SMG6: variants seen among roughly 807,000 people sequenced by gnomAD.
The protein encoded by SMG6 is telomerase-binding protein EST1A.
In SMG6, 66 loss-of-function variants were observed where a neutral mutation model predicts 142.2. That is an observed-to-expected ratio of 0.46 (90% CI 0.38 to 0.57). The LOEUF (loss-of-function observed/expected upper bound fraction) is 0.57. SMG6 is among the 20% of genes least tolerant of loss of function. SMG6 has a pLI of 0.00. For missense variants in SMG6, 1,793 were observed against 1,832.0 expected (o/e 0.98, Z 0.39); for synonymous variants, 779 against 702.4 (o/e 1.11, Z -1.72).
At chr17:2,227,774 CAT>C (rs1006050456) in intron 10 of SMG6, among the ~76,000 whole-genome samples, 3 of 152,110 alleles carry the variant, frequency 2.0e-5, no homozygotes, top group African/African-American at 7.2e-5. Context: ...TAGGATGATG[CAT>C]ATAACTCTCA....
chr17:2,283,559 G>T, intron 7 of SMG6, 66 bp downstream of exon 7: 1 of 1,288,074 alleles, frequency 7.8e-7, no homozygotes, highest in Non-Finnish European at 1.1e-6. Context: ...GCAGAGCTAG[G>T]GCACACCAAC....
At chr17:2,216,625 C>T (rs779809275) in intron 10 of SMG6, among the ~76,000 whole-genome samples, 15 of 152,204 alleles carry the variant, frequency 9.9e-5, no homozygotes, top group Non-Finnish European at 1.5e-5. Context: ...ATCAATCAAT[C>T]AATCACTGAT....
At chr17:2,302,489 A>C (rs1021699417) in intron 1 of SMG6, among the ~76,000 whole-genome samples, 9 of 150,890 alleles carry the variant, frequency 6.0e-5, no homozygotes, top group Non-Finnish European at 1.2e-4. Context: ...TGCAGTGAGC[A>C]GAGATCGCGC....
chr17:2,244,880 ACAT>A (rs1252357709), intron 8 of SMG6, 161 bp from the exon 9 acceptor site: 3 of 615,832 alleles, frequency 4.9e-6, no homozygotes, highest in Non-Finnish European at 8.7e-6. Flanking sequence ...GACCCAGGGC[ACAT>A]GCCCAACAGC....
Position 2,098,756 on chromosome 17 carries a change from G to A in SMG6, c.3358-12855C>T, listed in dbSNP as rs375937911. Among the ~76,000 whole-genome samples, 230 of 151,838 alleles carry A rather than the reference G, an allele frequency of 1.5e-3. 5 individuals are homozygous for A. In the South Asian group the frequency reaches 0.044, roughly 29 times the overall value. ...AGTGATTCTCCTGCCTCAGCCTCCC[G>A]AGTAGCTGGGATTACAGGCACCCGC... On this transcript the variant is annotated intron_variant, in intron 13 of 18. Transcript: ENST00000263073.
intron 15 of SMG6, among the ~76,000 whole-genome samples, chr17:2,080,878 G>A (rs1204405378): frequency 2.6e-5 from 4 of 151,970 alleles, no homozygotes; most frequent in East Asian, 1.9e-4. Flanking sequence ...CTCATGATCC[G>A]CCCGCCTCAG....
At chr17:2,122,137 G>GA (rs2069721310) in intron 13 of SMG6, among the ~76,000 whole-genome samples, 2 of 152,132 alleles carry the variant, frequency 1.3e-5, no homozygotes, top group South Asian at 4.1e-4. Context: ...TTTAAAAGAA[G>GA]AAAAAATGGA....
Position 2,297,949 on chromosome 17 carries a change from T to C in SMG6, c.1954A>G (p.Ile652Val), listed in dbSNP as rs2075180309. The change falls in exon 3 of 19, where the codon ATT (isoleucine) becomes GTT (valine). Residue 652 changes from isoleucine (I) to valine (V), a missense_variant. By Grantham distance (29) the Ile-to-Val change is conservative. Transcript: ENST00000263073. ...ILWKNAFYQV[I>V]EKFRQLVKDP... ...TTGACAAGTTGCCTGAACTTCTCAA[T>C]CACCTGATAGAAAGCATTCTTCCAC... 4 of 1,613,382 alleles carry C rather than the reference T, an allele frequency of 2.5e-6. No individual in the cohort carries two copies. The highest frequency in any genetic ancestry group is 3.4e-6 in the Non-Finnish European group (4 of 1,180,030).
At chr17:2,261,644 C>T (rs1026177771) in intron 8 of SMG6, among the ~76,000 whole-genome samples, 3 of 152,148 alleles carry the variant, frequency 2.0e-5, no homozygotes, top group East Asian at 1.9e-4. Context: ...TGCTACCCCT[C>T]GGTGGACAAA....
chr17:2,075,521 G>C (rs1196009697), intron 15 of SMG6, among the ~76,000 whole-genome samples: 2 of 152,222 alleles, frequency 1.3e-5, no homozygotes, highest in African/African-American at 4.8e-5. Context: ...CCTCAGAGAG[G>C]CAGTGAGGAA....
At chr17:2,186,026 G>A (rs1435885325) in intron 12 of SMG6, among the ~76,000 whole-genome samples, 2 of 152,050 alleles carry the variant, frequency 1.3e-5, no homozygotes, top group African/African-American at 4.8e-5. Flanking sequence ...AAGAGTTTAA[G>A]ACCAGCCTGG....
At chr17:2,106,062 G>A (rs144932198) in intron 13 of SMG6, among the ~76,000 whole-genome samples, 2 of 152,236 alleles carry the variant, frequency 1.3e-5, no homozygotes, top group East Asian at 1.9e-4. Flanking sequence ...ATCTGGCAAC[G>A]CTTGATCTTG....
intron 8 of SMG6, among the ~76,000 whole-genome samples, chr17:2,264,165 G>C (rs946375006): frequency 6.6e-6 from 1 of 152,066 alleles, no homozygotes; most frequent in Non-Finnish European, 1.5e-5. Context: ...TTATTTGGAA[G>C]GCTCTTCACA....
At chr17:2,285,360 T>C (rs965709442) in intron 6 of SMG6, among the ~76,000 whole-genome samples, 3 of 151,882 alleles carry the variant, frequency 2.0e-5, no homozygotes, top group South Asian at 2.1e-4. Flanking sequence ...AAAAGAGGGA[T>C]AGAGGAAAAG....
At chr17:2,289,736 C>A (rs1481027495) in intron 6 of SMG6, among the ~76,000 whole-genome samples, 2 of 151,768 alleles carry the variant, frequency 1.3e-5, no homozygotes, top group Non-Finnish European at 2.9e-5. Context: ...CATGGTGAAA[C>A]CCCATCTCTA....
At chr17:2,140,046 A>AT (rs2070428293) in intron 13 of SMG6, among the ~76,000 whole-genome samples, 1 of 146,464 alleles carries the variant, frequency 6.8e-6, no homozygotes, top group African/African-American at 2.5e-5. Context: ...CTGTTAACTA[A>AT]TTTTTTTTAA....
At chr17:2,209,832 CAA>C (rs1303138791) in intron 10 of SMG6, among the ~76,000 whole-genome samples, 1 of 152,118 alleles carries the variant, frequency 6.6e-6, no homozygotes, top group Non-Finnish European at 1.5e-5. Context: ...TATATGTATA[CAA>C]AAGTGACACA....
Position 2,068,037 on chromosome 17 carries a change from A to C in SMG6, c.3835+741T>G, listed in dbSNP as rs1435009922. Among the ~76,000 whole-genome samples the C allele has an allele frequency of 1.3e-5, 2 of 152,190 alleles. No homozygotes were observed. Among genetic ancestry groups the C allele is most frequent in the African/African-American group, 4.8e-5 (2 of 41,440 alleles). ...TCCCTCCACAGAGGCCATCAGCTAGATATGAGCCCAGAGCCCAGAGCCCAC... is the reference window on the plus strand; with the variant it reads ...TCCCTCCACAGAGGCCATCAGCTAGCTATGAGCCCAGAGCCCAGAGCCCAC... On this transcript the variant is annotated intron_variant, in intron 16 of 18. Transcript: ENST00000263073. The surrounding 1 kb of genome is among the most constrained non-coding windows in gnomAD (Gnocchi z 6.7).
chr17:2,118,793 T>C (rs1428197938), intron 13 of SMG6, among the ~76,000 whole-genome samples: 1 of 152,104 alleles, frequency 6.6e-6, no homozygotes, highest in East Asian at 1.9e-4. Flanking sequence ...CTCACTATGT[T>C]GTCCAAGCTG....
Sources: gnomAD v4.1 joint callset for allele counts (sites outside exome capture counted in the v4.1 genomes callset) on GRCh38, gnomAD v4.1.1 for gene constraint, Gnocchi (gnomAD v3.1) non-coding constraint, MANE v1.5 for transcripts, NCBI Gene and HGNC (gene_info 2026-07-23, HGNC 2026-07-21) for gene names.